The following DENND2C variants were observed in gnomAD, a reference collection of about 807,000 sequenced individuals.
DENND2C encodes the protein DENN domain containing 2C.
Under a neutral mutation model 112.4 loss-of-function variants are expected in DENND2C, and 72 were observed. The observed-to-expected ratio is 0.64, with a 90% CI of 0.53 to 0.78. The LOEUF (loss-of-function observed/expected upper bound fraction) is 0.78, where lower values mean the gene tolerates loss of function less well. Ranked by LOEUF, DENND2C falls within the 30% of genes least tolerant of loss-of-function variation. DENND2C has a pLI of 0.00. For synonymous variants in DENND2C, 329 were observed against 381.6 expected (o/e 0.86, Z 1.61); for missense variants, 992 against 1,113.8 (o/e 0.89, Z 1.56).
At chr1:114,593,108 C>G (rs1246475204) in intron 18 of DENND2C, among the ~76,000 whole-genome samples, 1 of 152,170 alleles carries the variant, frequency 6.6e-6, no homozygotes, top group Non-Finnish European at 1.5e-5. Flanking sequence ...GCTGGGATTA[C>G]AGGTGTGAGC....
intron 17 of DENND2C, 93 bp from the exon 18 acceptor site, chr1:114,594,671 A>G: frequency 9.7e-7 from 1 of 1,028,774 alleles, no homozygotes; most frequent in East Asian, 2.5e-5. Flanking sequence ...AAAATTCCAC[A>G]AGTGACTGTA....
chr1:114,587,364 A>G, intron 20 of DENND2C, 23 bp downstream of exon 20: 1 of 1,613,710 alleles, frequency 6.2e-7, no homozygotes, highest in Admixed American at 1.7e-5. Context: ...ACATTTATCT[A>G]ACAGGAAAAC....
At chr1:114,639,053 G>T (rs1040180483) in intron 3 of DENND2C, among the ~76,000 whole-genome samples, 1 of 152,028 alleles carries the variant, frequency 6.6e-6, no homozygotes, top group Non-Finnish European at 1.5e-5. Context: ...TTTATGAGTA[G>T]CCAATAAGCA....
intron 18 of DENND2C, among the ~76,000 whole-genome samples, chr1:114,591,818 A>G (rs181327711): frequency 9.6e-4 from 122 of 126,604 alleles, no homozygotes; most frequent in Middle Eastern, 4.2e-3. Context: ...GTGTAGATCC[A>G]TATTCATTTT....
chr1:114,600,742 T>G, intron 14 of DENND2C, 78 bp downstream of exon 14: 1 of 1,525,686 alleles, frequency 6.6e-7, no homozygotes, highest in South Asian at 1.3e-5. Context: ...ATCTATCCCC[T>G]TGGGCTCTGG....
At chr1:114,640,923 T>A (rs1252410929) in intron 3 of DENND2C, among the ~76,000 whole-genome samples, 1 of 152,196 alleles carries the variant, frequency 6.6e-6, no homozygotes, top group Non-Finnish European at 1.5e-5. Flanking sequence ...TTTAATAGTT[T>A]GAGTGCCTGT....
intron 8 of DENND2C, among the ~76,000 whole-genome samples, chr1:114,617,192 C>T (rs1251190771): frequency 1.3e-5 from 2 of 152,190 alleles, no homozygotes; most frequent in Non-Finnish European, 2.9e-5. Context: ...TATCCCCAGA[C>T]AACCAAGTTA....
At chr1:114,633,439 C>CAAAAAAAAAAAAAAA (rs780884019) in intron 3 of DENND2C, among the ~76,000 whole-genome samples, 2 of 49,214 alleles carry the variant, frequency 4.1e-5, no homozygotes, top group Admixed American at 2.7e-4. Flanking sequence ...GACCCTATCT[C>CAAAAAAAAAAAAAAA]AAAAAAAAAA....
chr1:114,587,864 AG>A lies in DENND2C; in HGVS notation c.2519del (p.Thr840MetfsTer72), dbSNP rs1160961770. On this transcript the variant is annotated frameshift_variant, in exon 19 of 21. Coordinates refer to ENST00000393274, the MANE Select transcript of DENND2C (RefSeq NM_001256404.2). LOFTEE classifies it high-confidence loss of function. ...VGHYSLNMTV[T>X]ERGERVFQRE... ...TTTGGAAAACACGCTCCCCACGCTC[AG>A]TGACAGTCATGTTCAAAGAATAATG... 6.2e-7 allele frequency: 1 copy of A among 1,614,210 alleles called. No individual in the cohort carries two copies. The highest frequency in any genetic ancestry group is 8.5e-7 in the Non-Finnish European group (1 of 1,180,036).
At chr1:114,654,399 TC>T (rs1458838373) in intron 2 of DENND2C, 105 bp downstream of exon 2, 23 of 152,274 alleles carry the variant, frequency 1.5e-4, no homozygotes, top group African/African-American at 5.1e-4. Flanking sequence ...GCCACTGCAC[TC>T]CAGCCTGGGC....
rs775599576 is a variant in DENND2C, at chr1:114,601,505, C to T, written c.1815+3G>A. On this transcript the variant is annotated splice_donor_region_variant and intron_variant, in intron 13 of 20. Transcript: ENST00000393274. ...TTTTTCATACAGCTCATTCTCCACTCACCTTTGAAAAAAGATTGAAGCAGC... is the reference window on the plus strand; with the variant it reads ...TTTTTCATACAGCTCATTCTCCACTTACCTTTGAAAAAAGATTGAAGCAGC... 1 of 1,611,208 alleles carries T rather than the reference C, an allele frequency of 6.2e-7. No homozygotes were observed. The highest frequency in any genetic ancestry group is 2.2e-5 in the East Asian group (1 of 44,822).
chr1:114,634,068 C>A (rs892683168), intron 3 of DENND2C, among the ~76,000 whole-genome samples: 1 of 152,112 alleles, frequency 6.6e-6, no homozygotes, highest in Non-Finnish European at 1.5e-5. Flanking sequence ...TGCAATTCAT[C>A]AAGAATACCT....
At chr1:114,638,710 C>T (rs1243082619) in intron 3 of DENND2C, among the ~76,000 whole-genome samples, 1 of 138,448 alleles carries the variant, frequency 7.2e-6, no homozygotes, top group Non-Finnish European at 1.5e-5. Flanking sequence ...ATGTAGTGAG[C>T]GATGATTACA....
chr1:114,661,852 C>T (rs1657500052), intron 1 of DENND2C, among the ~76,000 whole-genome samples: 1 of 152,130 alleles, frequency 6.6e-6, no homozygotes, highest in Non-Finnish European at 1.5e-5. Flanking sequence ...TCACCAGACT[C>T]TTGAAAATAT....
At chr1:114,628,615 A>G (rs1195180802) in intron 3 of DENND2C, among the ~76,000 whole-genome samples, 1 of 152,258 alleles carries the variant, frequency 6.6e-6, no homozygotes, top group African/African-American at 2.4e-5. Context: ...AGCTGATTTC[A>G]CAGTCCCAAT....
chr1:114,661,171 T>C (rs1475019970), intron 1 of DENND2C, among the ~76,000 whole-genome samples: 1 of 148,046 alleles, frequency 6.8e-6, no homozygotes, highest in Non-Finnish European at 1.5e-5. Flanking sequence ...AAAAGCACAG[T>C]ACAACTTACA....
chr1:114,614,182 T>C (rs1029864498), intron 8 of DENND2C, among the ~76,000 whole-genome samples: 2 of 150,212 alleles, frequency 1.3e-5, no homozygotes, highest in Non-Finnish European at 3.0e-5. Context: ...CAGTGAGCCA[T>C]GTTTGCATCA....
At chr1:114,628,771 T>C (rs569808830) in intron 3 of DENND2C, among the ~76,000 whole-genome samples, 69 of 152,368 alleles carry the variant, frequency 4.5e-4, no homozygotes, top group African/African-American at 1.6e-3. Flanking sequence ...AACCTAATTA[T>C]ATTCTGAGCC....
chr1:114,650,567 A>G (rs6537840), intron 2 of DENND2C, among the ~76,000 whole-genome samples: 130,755 of 149,486 alleles, frequency 0.87, 57,674 homozygotes, highest in African/African-American at 0.96. Context: ...CCAGCTACTC[A>G]GGAGGCTGAG....
Sources: allele counts gnomAD v4.1 joint callset (sites outside exome capture counted in the v4.1 genomes callset), GRCh38; gene constraint gnomAD v4.1.1; transcripts MANE v1.5; gene names NCBI Gene and HGNC (gene_info 2026-07-23, HGNC 2026-07-21).